Variants in RP1 observed in about 807,000 individuals in gnomAD.
RP1 encodes the protein oxygen-regulated protein 1.
In RP1, 16 loss-of-function variants were observed where a neutral mutation model predicts 14.8. The ratio of observed to expected loss-of-function variants is 1.08; its 90% confidence interval spans 0.73 to 1.65. RP1 has a LOEUF of 1.65. Among genes scored for constraint, RP1 ranks in the 40% most tolerant of loss-of-function variants. The pLI is 0.00. For synonymous variants in RP1, 876 were observed against 883.6 expected, an observed-to-expected ratio of 0.99 and a Z score of 0.15; for missense variants, 2,631 against 2,535.0, an observed-to-expected ratio of 1.04 and a Z score of -0.81.
At chr8:54,663,577 T>C (rs1403037251) in intron 6 of RP1, 3 of 901,628 alleles carry the variant, frequency 3.3e-6, no homozygotes, top group Non-Finnish European at 4.6e-6. Flanking sequence ...CTGCCTGTGG[T>C]TTCTGGCATC....
intron 12 of RP1, among the ~76,000 whole-genome samples, chr8:54,688,821 G>T (rs1011933534): frequency 3.3e-5 from 5 of 152,056 alleles, no homozygotes; most frequent in African/African-American, 1.2e-4. Context: ...ATATGAACTT[G>T]AAAGTAGTTT....
chr8:54,784,151 C>T (rs115233477), intron 24 of RP1, among the ~76,000 whole-genome samples: 3,733 of 152,184 alleles, frequency 0.025, 162 homozygotes, highest in African/African-American at 0.084. Flanking sequence ...GCGAAACGGT[C>T]AAATGGTCAA....
intron 1 of RP1, among the ~76,000 whole-genome samples, chr8:54,566,072 C>T (rs946395481): frequency 2.8e-5 from 4 of 142,626 alleles, no homozygotes; most frequent in African/African-American, 4.9e-5. Flanking sequence ...CAGCTGGATT[C>T]GGGGCCCAAC....
chr8:54,813,436 A>C (rs1022391360), intron 24 of RP1, among the ~76,000 whole-genome samples: 2 of 152,214 alleles, frequency 1.3e-5, no homozygotes, highest in African/African-American at 4.8e-5. Context: ...AATCCATGCC[A>C]TGGTAAAAGC....
At chr8:54,783,414 G>A (rs1317397799) in intron 23 of RP1, 6 of 446,912 alleles carry the variant, frequency 1.3e-5, no homozygotes, top group East Asian at 7.1e-5. Context: ...TCCATGATAA[G>A]CAATTATTTT....
At position 54,629,248 on chromosome 8, in the gene RP1, G is replaced by T; in HGVS notation, c.5366G>T (p.Gly1789Val). The change falls in exon 4 of 4, where the codon GGT (glycine) becomes GTT (valine). Residue 1789 changes from glycine to valine, a missense_variant. Gly to Val is a moderately radical substitution (Grantham distance 109). Transcript: ENST00000220676. Reference protein sequence around the residue: ...NSSEVPYSHFGNLAPGPTMDE... With the variant: ...NSSEVPYSHFVNLAPGPTMDE... ...AGTGAGGTACCATATTCACATTTTGGTAATTTGGCCCCAGGCCCAACGATG... is the reference window on the plus strand; with the variant it reads ...AGTGAGGTACCATATTCACATTTTGTTAATTTGGCCCCAGGCCCAACGATG... The T allele has an allele frequency of 6.2e-7, 1 of 1,613,874 alleles. No homozygotes were observed. The highest frequency in any genetic ancestry group is 1.1e-5 in the South Asian group (1 of 91,044).
chr8:54,602,123 T>C (rs1034768165), intron 1 of RP1, among the ~76,000 whole-genome samples: 1 of 152,324 alleles, frequency 6.6e-6, no homozygotes, highest in East Asian at 1.9e-4. Context: ...GCCATGTTGG[T>C]GTGCTGCACC....
chr8:54,622,237 A>G lies in RP1; in HGVS notation c.736A>G (p.Ile246Val). 6.2e-7 allele frequency: 1 copy of G among 1,614,184 alleles called. No homozygotes were observed. The highest frequency in any genetic ancestry group is 8.5e-7 in the Non-Finnish European group (1 of 1,180,040). Reference sequence around the variant, plus strand: ...CTTGCTTCCTGCTAGATTACCAGGGATCTCTCAGCGTGTGTACCCCAAGGG... The same window carrying G: ...CTTGCTTCCTGCTAGATTACCAGGGGTCTCTCAGCGTGTGTACCCCAAGGG... ...KYLLPARLPG[I>V]SQRVYPKGNA... Residue 246 changes from isoleucine (I) to valine (V), a missense_variant, in exon 3 of 4, where the codon ATC becomes GTC. Coordinates refer to ENST00000220676, the MANE Select transcript of RP1 (RefSeq NM_006269.2).
chr8:54,839,891 G>T (rs1052218053), intron 25 of RP1, among the ~76,000 whole-genome samples: 3 of 152,126 alleles, frequency 2.0e-5, no homozygotes, highest in Non-Finnish European at 4.4e-5. Flanking sequence ...TTGACAGTTT[G>T]CAAAAACATT....
chr8:54,742,534 A>G (rs77458894), intron 19 of RP1, among the ~76,000 whole-genome samples: 1,630 of 152,338 alleles, frequency 0.011, 31 homozygotes, highest in African/African-American at 0.037. Flanking sequence ...AGAAATATCT[A>G]CTTAGCACCT....
At chr8:54,562,999 C>T (rs1226896561) in intron 1 of RP1, among the ~76,000 whole-genome samples, 2 of 152,180 alleles carry the variant, frequency 1.3e-5, no homozygotes, top group East Asian at 3.9e-4. Context: ...CCTGGTAGGC[C>T]CAGTCCTACA....
intron 25 of RP1, among the ~76,000 whole-genome samples, chr8:54,843,681 C>A (rs1207177335): frequency 6.6e-6 from 1 of 152,140 alleles, no homozygotes; most frequent in Admixed American, 6.5e-5. Flanking sequence ...AAGCTTCAGC[C>A]TAGGGGTTTA....
intron 20 of RP1, chr8:54,755,544 T>C: frequency 7.1e-7 from 1 of 1,408,582 alleles, no homozygotes; most frequent in Non-Finnish European, 9.6e-7. Flanking sequence ...TGAAAACCTA[T>C]GGATCTGGGT....
chr8:54,842,877 C>T (rs1012344450), intron 25 of RP1, among the ~76,000 whole-genome samples: 1 of 152,152 alleles, frequency 6.6e-6, no homozygotes, highest in Non-Finnish European at 1.5e-5. Context: ...CTTTCTGTCC[C>T]GTCTTCTACC....
At chr8:54,835,067 A>G (rs1054264321) in intron 24 of RP1, among the ~76,000 whole-genome samples, 26 of 152,036 alleles carry the variant, frequency 1.7e-4, no homozygotes, top group African/African-American at 5.3e-4. Context: ...GGTTTAGGGT[A>G]TCCTGGTTAG....
Position 54,621,368 on chromosome 8 carries a change from C to A in RP1, c.402C>A (p.Ser134Arg). 1.2e-6 allele frequency: 2 copies of A among 1,612,748 alleles called. No homozygotes were observed. Among genetic ancestry groups the A allele is most frequent in the Non-Finnish European group, 1.7e-6 (2 of 1,179,826 alleles). ...CCTGGCTCAGCAGCCGGGCCATTAG[C>A]GCGCACTCACCGCCCCACCCCGTAG... The part of the protein sequence containing the change: ...PRPWLSSRAI[S>R]AHSPPHPVAV... Residue 134 changes from serine to arginine, a missense_variant, in exon 2 of 4, where the codon AGC becomes AGA. By Grantham distance (110) the Ser-to-Arg change is moderately radical. Coordinates refer to ENST00000220676, the MANE Select transcript of RP1 (RefSeq NM_006269.2).
chr8:54,836,081 C>A (rs1381131697), intron 24 of RP1, among the ~76,000 whole-genome samples: 1 of 152,066 alleles, frequency 6.6e-6, no homozygotes, highest in African/African-American at 2.4e-5. Flanking sequence ...TTATTCAGAA[C>A]AATTATCACC....
chr8:54,648,517 C>G (rs1349590649), intron 3 of RP1, among the ~76,000 whole-genome samples: 1 of 152,020 alleles, frequency 6.6e-6, no homozygotes, highest in East Asian at 1.9e-4. Flanking sequence ...ATTCTACTCA[C>G]CCAATTCCAG....
chr8:54,627,264 C>T lies in RP1; in HGVS notation c.3382C>T (p.Leu1128Phe), dbSNP rs750119554. Reference sequence around the variant, plus strand: ...TGCAATATGTAATTCATCCACTAATCTCCTTCTAGCTTGGCTCTTGGTGCT... The same window carrying T: ...TGCAATATGTAATTCATCCACTAATTTCCTTCTAGCTTGGCTCTTGGTGCT... ...HSAICNSSTN[L>F]LLAWLLVLNL... Residue 1128 changes from leucine to phenylalanine, a missense_variant, in exon 4 of 4, where the codon CTC becomes TTC. Leu to Phe is a conservative substitution (Grantham distance 22, BLOSUM62 0). Transcript: ENST00000220676. 1.2e-6 allele frequency: 2 copies of T among 1,614,124 alleles called. No individual in the cohort carries two copies. The highest frequency in any genetic ancestry group is 2.2e-5 in the South Asian group (2 of 91,084).
Sources: allele counts gnomAD v4.1 joint callset (sites outside exome capture counted in the v4.1 genomes callset), GRCh38; gene constraint gnomAD v4.1.1; transcripts MANE v1.5; gene names NCBI Gene and HGNC (gene_info 2026-07-23, HGNC 2026-07-21).